THSD4: variants seen among roughly 807,000 people sequenced by gnomAD.
THSD4 encodes thrombospondin type-1 domain-containing protein 4.
THSD4 carries 69 observed loss-of-function variants against 119.0 expected under a neutral mutation model. The ratio of observed to expected loss-of-function variants is 0.58; its 90% CI spans 0.48 to 0.71. The LOEUF (loss-of-function observed/expected upper bound fraction) is 0.71, where lower values mean the gene tolerates loss of function less well. Ranked by LOEUF, THSD4 falls within the 30% of genes least tolerant of loss-of-function variation. THSD4 has a pLI of 0.00. For synonymous variants in THSD4, 524 were observed against 540.4 expected (o/e 0.97, Z 0.42); for missense variants, 1,393 against 1,391.1 (o/e 1.00, Z -0.02).
At chr15:71,353,965 T>C (rs1028827996) in intron 6 of THSD4, among the ~76,000 whole-genome samples, 8 of 152,160 alleles carry the variant, frequency 5.3e-5, no homozygotes, top group Non-Finnish European at 1.2e-4. Context: ...ACACTGAAGA[T>C]AGAACCCTGA....
chr15:71,147,561 G>A (rs2040675008), intron 2 of THSD4: 1 of 152,094 alleles, frequency 6.6e-6, no homozygotes, highest in African/African-American at 2.4e-5. Context: ...TTGAGGATGG[G>A]TCAAGATTAT....
At chr15:71,492,389 C>T (rs957127329) in intron 7 of THSD4, among the ~76,000 whole-genome samples, 1 of 152,076 alleles carries the variant, frequency 6.6e-6, no homozygotes, top group Non-Finnish European at 1.5e-5. Context: ...CTCAGCCTCC[C>T]AAGCAGCTGG....
intron 7 of THSD4, among the ~76,000 whole-genome samples, chr15:71,578,844 C>CG (rs2049505257): frequency 7.6e-6 from 1 of 132,280 alleles, no homozygotes; most frequent in Admixed American, 8.0e-5. Flanking sequence ...ACTGCATTAA[C>CG]TTTTTTTTTT....
intron 13 of THSD4, among the ~76,000 whole-genome samples, chr15:71,747,502 A>G (rs143409238): frequency 7.2e-5 from 11 of 152,342 alleles, no homozygotes; most frequent in Non-Finnish European, 1.6e-4. Flanking sequence ...AGACACACGA[A>G]CAACGTTGGA....
At chr15:71,356,604 AAGAG>A (rs898715137) in intron 6 of THSD4, among the ~76,000 whole-genome samples, 3 of 150,560 alleles carry the variant, frequency 2.0e-5, no homozygotes, top group African/African-American at 7.3e-5. Context: ...AGGAAAGAGA[AAGAG>A]AGAGTGAAGG....
intron 7 of THSD4, among the ~76,000 whole-genome samples, chr15:71,532,257 A>C (rs2048619477): frequency 7.5e-6 from 1 of 133,156 alleles, no homozygotes; most frequent in Non-Finnish European, 1.6e-5. Flanking sequence ...CTGAAACAAC[A>C]AAGGGTGAGA....
chr15:71,215,906 T>C (rs1442972169), intron 4 of THSD4, among the ~76,000 whole-genome samples: 1 of 152,248 alleles, frequency 6.6e-6, no homozygotes, highest in African/African-American at 2.4e-5. Context: ...AGTAAGTTTC[T>C]CCGAAGTTTT....
chr15:71,419,295 A>G lies in THSD4; in HGVS notation c.1152+7472A>G, dbSNP rs1369858998. Among the ~76,000 whole-genome samples, 2 of 106,084 alleles carry G rather than the reference A, an allele frequency of 1.9e-5. 1 individual carries two copies. The highest frequency in any genetic ancestry group is 6.2e-4 in the East Asian group (2 of 3,224). 69.6% of individuals were successfully genotyped at this position (106,084 alleles called of 152,430 possible). A position where few individuals can be genotyped will look rare whatever the true frequency, so the allele number is the denominator to read the frequency against. On this transcript the variant is annotated intron_variant, in intron 7 of 17. Coordinates refer to ENST00000261862, the MANE Select transcript of THSD4 (RefSeq NM_024817.3). ...ACAGCTCACTGCAGCCTTGACCTCCAGGATCAAGCAGTTCCCCCAGCTCAG... is the reference window on the plus strand; with the variant it reads ...ACAGCTCACTGCAGCCTTGACCTCCGGGATCAAGCAGTTCCCCCAGCTCAG...
At chr15:71,545,974 A>G (rs563758404) in intron 7 of THSD4, among the ~76,000 whole-genome samples, 1 of 152,250 alleles carries the variant, frequency 6.6e-6, no homozygotes, top group South Asian at 2.1e-4. Flanking sequence ...GTGTTTATTA[A>G]TTTACTTTCT....
chr15:71,635,331 A>C (rs1406131897), intron 7 of THSD4, among the ~76,000 whole-genome samples: 1 of 151,308 alleles, frequency 6.6e-6, no homozygotes, highest in Non-Finnish European at 1.5e-5. Flanking sequence ...AATCATAAAC[A>C]ATCTCTGCCA....
chr15:71,357,708 A>G (rs187225301), intron 6 of THSD4, among the ~76,000 whole-genome samples: 4 of 152,340 alleles, frequency 2.6e-5, no homozygotes, highest in East Asian at 3.9e-4. Flanking sequence ...TCAGGATCAC[A>G]TTCCAGATAC....
intron 1 of THSD4, among the ~76,000 whole-genome samples, chr15:71,124,082 T>C (rs2040432651): frequency 6.6e-6 from 1 of 152,184 alleles, no homozygotes; most frequent in South Asian, 2.1e-4. Context: ...TCTCTGTGTG[T>C]TTTCAGTCTG....
intron 7 of THSD4, among the ~76,000 whole-genome samples, chr15:71,595,481 G>A (rs944525328): frequency 6.6e-5 from 10 of 152,102 alleles, no homozygotes; most frequent in African/African-American, 9.6e-5. Flanking sequence ...AGTGCCTTTC[G>A]CCTCCTGCCA....
rs1413218387 is a variant in THSD4, at chr15:71,765,170, G to C, written c.2740G>C (p.Ala914Pro). ...QQSCHLKPCGAKWFSTEWSMC... is the reference protein window; with the variant it reads ...QQSCHLKPCGPKWFSTEWSMC... ...ATCCTGCCACCTCAAGCCTTGCGGA[G>C]CCAAATGGTTTAGCACCGAATGGAG... is the stretch of plus-strand genomic sequence containing the variant. Residue 914 changes from alanine to proline, a missense_variant, in exon 16 of 18, where the codon GCC becomes CCC. Ala to Pro is a conservative substitution (Grantham distance 27, BLOSUM62 -1). Transcript: ENST00000261862. 6.2e-7 allele frequency: 1 copy of C among 1,614,194 alleles called. No individual in the cohort carries two copies. The highest frequency in any genetic ancestry group is 8.5e-7 in the Non-Finnish European group (1 of 1,180,020).
chr15:71,634,857 A>G (rs1334240732), intron 7 of THSD4, among the ~76,000 whole-genome samples: 3 of 152,174 alleles, frequency 2.0e-5, no homozygotes, highest in South Asian at 4.1e-4. Context: ...CGTGCCATAC[A>G]TTCATTTTTC....
At chr15:71,387,344 A>G (rs1352832784) in intron 6 of THSD4, among the ~76,000 whole-genome samples, 1 of 152,188 alleles carries the variant, frequency 6.6e-6, no homozygotes, top group African/African-American at 2.4e-5. Flanking sequence ...TCCAAACCAA[A>G]TGGTACCCAA....
chr15:71,514,867 T>C (rs1428409246), intron 7 of THSD4, among the ~76,000 whole-genome samples: 2 of 152,234 alleles, frequency 1.3e-5, no homozygotes, highest in African/African-American at 4.8e-5. Context: ...ATAATTTCTA[T>C]TGGATACATA....
At chr15:71,358,718 G>A (rs1253568419) in intron 6 of THSD4, among the ~76,000 whole-genome samples, 2 of 152,168 alleles carry the variant, frequency 1.3e-5, no homozygotes, top group South Asian at 2.1e-4. Flanking sequence ...TGCTCAATTA[G>A]TATCACTTAA....
At chr15:71,776,612 G>A (rs2053917526) in intron 17 of THSD4, among the ~76,000 whole-genome samples, 1 of 152,096 alleles carries the variant, frequency 6.6e-6, no homozygotes, top group South Asian at 2.1e-4. Context: ...ATCTAGCAAA[G>A]TTGGATATAC....
Sources: allele counts gnomAD v4.1 joint callset (sites outside exome capture counted in the v4.1 genomes callset), GRCh38; gene constraint gnomAD v4.1.1; transcripts MANE v1.5; gene names NCBI Gene and HGNC (gene_info 2026-07-23, HGNC 2026-07-21).